NELL1: variants seen among roughly 807,000 people sequenced by gnomAD.
NELL1 encodes the protein neural EGFL like 1, also known as protein kinase C-binding protein NELL1.
NELL1 carries 76 observed loss-of-function variants against 107.4 expected under a neutral mutation model. The observed-to-expected ratio is 0.71, with a 90% CI of 0.59 to 0.86. NELL1 has a LOEUF of 0.86. NELL1 is among the 40% of genes least tolerant of loss of function. The pLI is 0.00. For missense variants in NELL1, 1,024 were observed against 1,005.5 expected, an observed-to-expected ratio of 1.02 and a Z score of -0.25; for synonymous variants, 353 against 341.2, an observed-to-expected ratio of 1.03 and a Z score of -0.38.
At chr11:20,754,686 G>T (rs369800451) in intron 2 of NELL1, among the ~76,000 whole-genome samples, 2 of 152,172 alleles carry the variant, frequency 1.3e-5, no homozygotes, top group Non-Finnish European at 2.9e-5. Flanking sequence ...AAAAGTATAT[G>T]ATGTCATAAG....
At chr11:21,166,505 A>T (rs1856487068) in intron 13 of NELL1, among the ~76,000 whole-genome samples, 1 of 151,808 alleles carries the variant, frequency 6.6e-6, no homozygotes. Flanking sequence ...CATGATGGAT[A>T]CCCTATTTAC....
At chr11:21,098,804 C>T (rs2133700807) in intron 12 of NELL1, among the ~76,000 whole-genome samples, 1 of 152,168 alleles carries the variant, frequency 6.6e-6, no homozygotes, top group East Asian at 1.9e-4. Flanking sequence ...TTGCTACCCT[C>T]TACCCTTCTC....
chr11:21,207,763 A>C (rs534571079), intron 13 of NELL1, among the ~76,000 whole-genome samples: 2 of 152,244 alleles, frequency 1.3e-5, no homozygotes, highest in East Asian at 3.9e-4. Context: ...ACACACACCA[A>C]CTGGACCACA....
At chr11:21,324,183 C>A (rs955526071) in intron 14 of NELL1, among the ~76,000 whole-genome samples, 2 of 151,946 alleles carry the variant, frequency 1.3e-5, no homozygotes, top group African/African-American at 4.8e-5. Flanking sequence ...TCATTATTAC[C>A]CCATTTTGAA....
At chr11:20,934,385 T>C (rs1850680387) in intron 9 of NELL1, among the ~76,000 whole-genome samples, 2 of 152,178 alleles carry the variant, frequency 1.3e-5, no homozygotes, top group African/African-American at 4.8e-5. Flanking sequence ...CCCTGCTATG[T>C]GAGTACATAA....
At chr11:21,248,275 T>C (rs1858545448) in intron 14 of NELL1, among the ~76,000 whole-genome samples, 1 of 151,188 alleles carries the variant, frequency 6.6e-6, no homozygotes, top group East Asian at 1.9e-4. Context: ...AAGCCCAGGA[T>C]GTCGAAGCTG....
chr11:20,739,373 C>T (rs1330957530), intron 2 of NELL1, among the ~76,000 whole-genome samples: 2 of 150,882 alleles, frequency 1.3e-5, no homozygotes, highest in African/African-American at 4.9e-5. Context: ...GGATGCACAC[C>T]ACGTTGTCAG....
chr11:21,338,943 A>G lies in NELL1; in HGVS notation c.1550-31910A>G, dbSNP rs548083558. On this transcript the variant is annotated intron_variant, in intron 14 of 19. Transcript: ENST00000357134. The stretch of plus-strand genomic sequence containing the variant: ...TTTTTATGGAGAAGGGTCCACCTAT[A>G]AACATTAAGAGCCACTAATCTCATT... Among the ~76,000 whole-genome samples, 7 of 152,302 alleles carry G rather than the reference A, an allele frequency of 4.6e-5. No homozygotes were observed. The South Asian group carries it at 1.5e-3, about 32-fold the overall frequency.
At chr11:21,183,283 G>T (rs1259450259) in intron 13 of NELL1, among the ~76,000 whole-genome samples, 1 of 151,856 alleles carries the variant, frequency 6.6e-6, no homozygotes, top group Non-Finnish European at 1.5e-5. Context: ...TTTTTCAAGG[G>T]CCAGCTTAGT....
At chr11:21,141,523 G>C (rs1855867933) in intron 13 of NELL1, among the ~76,000 whole-genome samples, 2 of 152,108 alleles carry the variant, frequency 1.3e-5, no homozygotes. Context: ...ATCTCTACTA[G>C]AGATGTGGTC....
At chr11:20,919,971 G>T (rs1850341997) in intron 7 of NELL1, among the ~76,000 whole-genome samples, 1 of 152,112 alleles carries the variant, frequency 6.6e-6, no homozygotes, top group Non-Finnish European at 1.5e-5. Flanking sequence ...AGGCAATAGT[G>T]AAAAAGACAC....
At chr11:20,832,095 C>G (rs1361080783) in intron 3 of NELL1, among the ~76,000 whole-genome samples, 2 of 152,186 alleles carry the variant, frequency 1.3e-5, no homozygotes, top group East Asian at 3.9e-4. Context: ...CTACACTGGT[C>G]TTACTAATGG....
chr11:21,302,454 G>A (rs1282709039), intron 14 of NELL1, among the ~76,000 whole-genome samples: 1 of 151,964 alleles, frequency 6.6e-6, no homozygotes, highest in African/African-American at 2.4e-5. Context: ...AATTACATTT[G>A]ATGATGTTAT....
intron 15 of NELL1, among the ~76,000 whole-genome samples, chr11:21,436,737 C>T (rs1442734161): frequency 6.6e-6 from 1 of 152,040 alleles, no homozygotes; most frequent in Non-Finnish European, 1.5e-5. Context: ...TATTTGAAAT[C>T]TTTCAACTTT....
chr11:21,158,324 T>C lies in NELL1; in HGVS notation c.1426+44610T>C, dbSNP rs547833468. ...GTTGTGGGACTTCGCTTTGTGATCA[T>C]GTGAGTCAATACTCCTCAATAAACT... On this transcript the variant is annotated intron_variant, in intron 13 of 19. Transcript: ENST00000357134. Among the ~76,000 whole-genome samples the C allele has an allele frequency of 3.3e-5, 5 of 152,302 alleles. No individual in the cohort carries two copies. The South Asian group carries it at 1.0e-3, about 32-fold the overall frequency.
At chr11:20,853,556 T>C (rs2134064610) in intron 4 of NELL1, among the ~76,000 whole-genome samples, 1 of 152,272 alleles carries the variant, frequency 6.6e-6, no homozygotes, top group Non-Finnish European at 1.5e-5. Context: ...ATAGGCCAAA[T>C]CCTCTGAAAA....
At chr11:20,813,005 TCAAAAAAAAAAAAAAAAAAAAAAA>T (rs1857535347) in intron 3 of NELL1, among the ~76,000 whole-genome samples, 1 of 56,388 alleles carries the variant, frequency 1.8e-5, no homozygotes, top group African/African-American at 1.0e-4. Context: ...AGACTCCGTC[TCAAAAAAAAAAAAAAAAAAAAAAA>T]AAAAAAAAAA....
intron 1 of NELL1, among the ~76,000 whole-genome samples, chr11:20,671,590 T>TTTAAATCCCC (rs1853911626): frequency 6.6e-6 from 1 of 152,208 alleles, no homozygotes; most frequent in Non-Finnish European, 1.5e-5. Flanking sequence ...CCTTTAAATC[T>TTTAAATCCCC]TGTAAAAATT....
intron 15 of NELL1, among the ~76,000 whole-genome samples, chr11:21,391,735 C>A (rs995860591): frequency 6.6e-6 from 1 of 151,752 alleles, no homozygotes; most frequent in Non-Finnish European, 1.5e-5. Flanking sequence ...GCCGGGCTCA[C>A]GTGATCTTCT....
Sources: allele counts gnomAD v4.1 joint callset (sites outside exome capture counted in the v4.1 genomes callset), GRCh38; gene constraint gnomAD v4.1.1; transcripts MANE v1.5; gene names NCBI Gene and HGNC (gene_info 2026-07-23, HGNC 2026-07-21).